BCR: variants seen among roughly 807,000 people sequenced by gnomAD.
The protein encoded by BCR is BCR activator of RhoGEF and GTPase, also known as breakpoint cluster region protein.
In BCR, 58 loss-of-function variants were observed where a neutral mutation model predicts 138.6. The ratio of observed to expected loss-of-function variants is 0.42; its 90% CI spans 0.34 to 0.52. The LOEUF is 0.52. BCR is among the 20% of genes least tolerant of loss of function. BCR has a pLI of 0.06. For missense variants in BCR, 1,599 were observed against 1,727.2 expected, an observed-to-expected ratio of 0.93 and a Z score of 1.32; for synonymous variants, 786 against 730.1, an observed-to-expected ratio of 1.08 and a Z score of -1.23.
intron 1 of BCR, among the ~76,000 whole-genome samples, chr22:23,191,027 G>T (rs2072406566): frequency 6.6e-6 from 1 of 151,784 alleles, no homozygotes; most frequent in African/African-American, 2.4e-5. Flanking sequence ...CAAACTCTCG[G>T]GCTCAAGCGA....
intron 1 of BCR, among the ~76,000 whole-genome samples, chr22:23,208,109 A>T (rs1369098710): frequency 1.3e-5 from 2 of 152,132 alleles, no homozygotes; most frequent in Admixed American, 1.3e-4. Context: ...GACACGCTGG[A>T]GCTTCGTGTT....
rs1018905884 is a variant in BCR at position 23,190,724 on chromosome 22, G to A, written c.1279+8485G>A. Among the ~76,000 whole-genome samples, 8 of 152,164 alleles carry A rather than the reference G, an allele frequency of 5.3e-5. No homozygotes were observed. The East Asian group carries it at 5.8e-4, about 11-fold the overall frequency. On this transcript the variant is annotated intron_variant, in intron 1 of 22. Coordinates refer to ENST00000305877, the MANE Select transcript of BCR (RefSeq NM_004327.4). ...GGTGTTTGTGCCGGCTCCCTCAGAC[G>A]TGTTAGGAGGAGTGTGAGCCAAGCG...
At chr22:23,245,769 G>A (rs1236005319) in intron 1 of BCR, among the ~76,000 whole-genome samples, 6 of 151,700 alleles carry the variant, frequency 4.0e-5, no homozygotes, top group Non-Finnish European at 7.4e-5. Flanking sequence ...ATTATGTTCC[G>A]GGTTCCCTGC....
intron 20 of BCR, 123 bp downstream of exon 20, chr22:23,313,144 T>G (rs2074027072): frequency 3.2e-6 from 4 of 1,260,056 alleles, no homozygotes; most frequent in Non-Finnish European, 4.4e-6. Context: ...GGTCGGCATT[T>G]TAACCCAACC....
chr22:23,182,384 C>T (rs925317207), intron 1 of BCR, 145 bp downstream of exon 1: 4 of 984,232 alleles, frequency 4.1e-6, no homozygotes, highest in South Asian at 1.8e-5. Flanking sequence ...GCGGATCCTG[C>T]ACCCGAACAA....
At chr22:23,218,088 A>T (rs1391447166) in intron 1 of BCR, among the ~76,000 whole-genome samples, 1 of 152,184 alleles carries the variant, frequency 6.6e-6, no homozygotes, top group Non-Finnish European at 1.5e-5. Flanking sequence ...TCGCATTGGC[A>T]TCCCTCCCCT....
At chr22:23,284,494 C>T (rs1958913767) in intron 9 of BCR, among the ~76,000 whole-genome samples, 1 of 152,254 alleles carries the variant, frequency 6.6e-6, no homozygotes. Flanking sequence ...CCTCCTCCCT[C>T]CTCCCTGGGT....
intron 1 of BCR, among the ~76,000 whole-genome samples, chr22:23,238,041 A>G (rs2073045744): frequency 6.6e-6 from 1 of 152,000 alleles, no homozygotes; most frequent in Non-Finnish European, 1.5e-5. Flanking sequence ...GGCCTGCTTG[A>G]CACCTCGCAG....
chr22:23,268,651 T>A, intron 5 of BCR, 136 bp downstream of exon 5: 1 of 818,566 alleles, frequency 1.2e-6, no homozygotes, highest in Non-Finnish European at 2.0e-6. Flanking sequence ...TTGGGTTCGT[T>A]GCGTCAGCCC....
At chr22:23,288,825 C>T (rs1227383580) in intron 12 of BCR, among the ~76,000 whole-genome samples, 4 of 152,198 alleles carry the variant, frequency 2.6e-5, no homozygotes, top group African/African-American at 4.8e-5. Flanking sequence ...CTGGCAGTGT[C>T]GGTGGGGAAG....
chr22:23,261,104 G>T, intron 3 of BCR, 50 bp downstream of exon 3: 1 of 1,557,460 alleles, frequency 6.4e-7, no homozygotes, highest in South Asian at 1.1e-5. Context: ...CAGGGTGACA[G>T]GGTTGGGGAG....
rs1461478432 is a variant in BCR at position 23,285,008 on chromosome 22, A to G, written c.2238-25A>G. On this transcript the variant is annotated intron_variant, in intron 9 of 22. Coordinates refer to ENST00000305877, the MANE Select transcript of BCR (RefSeq NM_004327.4). ...CCATAGAAGGCAGTCGGTGCATGTG[A>G]ACGTTCTTCTCTCCCCATCCCCAGC... 3.1e-6 allele frequency: 5 copies of G among 1,605,964 alleles called. No homozygotes were observed. In the South Asian group the frequency reaches 5.5e-5, roughly 18 times the overall value.
At chr22:23,184,366 C>T (rs999168940) in intron 1 of BCR, among the ~76,000 whole-genome samples, 1 of 152,134 alleles carries the variant, frequency 6.6e-6, no homozygotes, top group Non-Finnish European at 1.5e-5. Context: ...GCTGGGGTTA[C>T]AGGGATGAGA....
intron 4 of BCR, among the ~76,000 whole-genome samples, chr22:23,267,531 A>G (rs1181399648): frequency 6.6e-6 from 1 of 152,230 alleles, no homozygotes; most frequent in African/African-American, 2.4e-5. Context: ...TAGGTTTGAC[A>G]CAAAACAAAC....
At chr22:23,311,110 C>T (rs1217613963) in intron 18 of BCR, among the ~76,000 whole-genome samples, 9 of 128,850 alleles carry the variant, frequency 7.0e-5, no homozygotes, top group East Asian at 4.8e-4. Context: ...TTAAGGCCTC[C>T]GCACAGCACT....
At chr22:23,206,438 G>T (rs771362127) in intron 1 of BCR, among the ~76,000 whole-genome samples, 2 of 151,990 alleles carry the variant, frequency 1.3e-5, no homozygotes, top group Non-Finnish European at 2.9e-5. Flanking sequence ...GTAGCCGGGC[G>T]TGGTGGCGGG....
chr22:23,297,207 G>GTTTTGTT (rs2073854485), intron 16 of BCR, among the ~76,000 whole-genome samples: 1 of 97,382 alleles, frequency 1.0e-5, no homozygotes, highest in African/African-American at 4.9e-5. Context: ...TGGCTAAGTT[G>GTTTTGTT]TTTTTTGTTT....
intron 1 of BCR, among the ~76,000 whole-genome samples, chr22:23,196,038 C>T (rs777008097): frequency 1.3e-5 from 2 of 152,192 alleles, no homozygotes; most frequent in Non-Finnish European, 2.9e-5. Flanking sequence ...TCTGCAGTCA[C>T]CATGATCCCT....
intron 2 of BCR, chr22:23,254,585 G>C (rs930730538): frequency 1.9e-6 from 1 of 518,894 alleles, no homozygotes; most frequent in Non-Finnish European, 3.8e-6. Context: ...CCTCACATGA[G>C]AACGTAGCCC....
Sources: gnomAD v4.1 joint callset for allele counts (sites outside exome capture counted in the v4.1 genomes callset) on GRCh38, gnomAD v4.1.1 for gene constraint, MANE v1.5 for transcripts, NCBI Gene and HGNC (gene_info 2026-07-23, HGNC 2026-07-21) for gene names.